The following HS3ST3B1 variants were observed in gnomAD, a reference collection of about 807,000 sequenced individuals.
The protein encoded by HS3ST3B1 is heparan sulfate-glucosamine 3-sulfotransferase 3B1, also known as heparan sulfate glucosamine 3-O-sulfotransferase 3B1.
Under a neutral mutation model 21.3 loss-of-function variants are expected in HS3ST3B1, and 13 were observed. That is an observed-to-expected ratio of 0.61 (90% CI 0.40 to 0.97). HS3ST3B1 has a LOEUF of 0.97. Among genes scored for constraint, HS3ST3B1 ranks in the 50% least tolerant of loss-of-function variants. The pLI, the probability that HS3ST3B1 is intolerant of heterozygous loss-of-function variation, is 0.00. For synonymous variants in HS3ST3B1, 234 were observed against 254.8 expected (o/e 0.92, Z 0.78); for missense variants, 459 against 554.8 (o/e 0.83, Z 1.73).
At position 14,348,616 on chromosome 17, in the gene HS3ST3B1, C is replaced by G. The variant is rs1910641653; in HGVS notation, c.*2970C>G. ...ACTTTTTAGCTGCCAGAAGACAAAC[C>G]CCCTTTTCTGTTTCGGCAATTTGTC... On this transcript the variant is annotated 3_prime_UTR_variant, in exon 2 of 2. Coordinates refer to ENST00000360954, the MANE Select transcript of HS3ST3B1 (RefSeq NM_006041.3). 1 of 152,180 alleles carries G rather than the reference C, an allele frequency of 6.6e-6. No individual in the cohort carries two copies. Among genetic ancestry groups the G allele is most frequent in the Admixed American group, 6.5e-5 (1 of 15,274 alleles). 9.4% of individuals were successfully genotyped at this position (152,180 alleles called of 1,614,324 possible). A position where few individuals can be genotyped will look rare whatever the true frequency, so the allele number is the denominator to read the frequency against.
intron 1 of HS3ST3B1, chr17:14,304,963 T>C (rs1340400685): frequency 6.6e-6 from 1 of 152,190 alleles, no homozygotes; most frequent in East Asian, 1.9e-4. Context: ...GCCTAACCAG[T>C]AACCCAGGGC....
At chr17:14,318,881 G>A (rs575958320) in intron 1 of HS3ST3B1, among the ~76,000 whole-genome samples, 6 of 152,218 alleles carry the variant, frequency 3.9e-5, no homozygotes, top group Non-Finnish European at 8.8e-5. Context: ...CATTTGCCAG[G>A]CAGCAGATGT....
chr17:14,326,976 G>A (rs987601448), intron 1 of HS3ST3B1, among the ~76,000 whole-genome samples: 5 of 146,764 alleles, frequency 3.4e-5, no homozygotes, highest in African/African-American at 1.3e-4. Flanking sequence ...CAGTTGTCCC[G>A]AGCACAACTT....
intron 1 of HS3ST3B1, among the ~76,000 whole-genome samples, chr17:14,312,402 A>G (rs1199615315): frequency 2.6e-5 from 4 of 152,116 alleles, no homozygotes; most frequent in Non-Finnish European, 5.9e-5. Flanking sequence ...GTTTTAAGCC[A>G]TCTCTTCTGT....
rs190213473 is a variant in HS3ST3B1, at chr17:14,312,227, A to C, written c.554+10155A>C. ...TTTCCCTTATTTTCCAAGGGAGGAAACGGAAACTCACAGAGATTGCCTAAG... is the reference window on the plus strand; with the variant it reads ...TTTCCCTTATTTTCCAAGGGAGGAACCGGAAACTCACAGAGATTGCCTAAG... On this transcript the variant is annotated intron_variant, in intron 1 of 1. Coordinates refer to ENST00000360954, the MANE Select transcript of HS3ST3B1 (RefSeq NM_006041.3). Among the ~76,000 whole-genome samples, 64 of 152,202 alleles carry C rather than the reference A, an allele frequency of 4.2e-4. No individual in the cohort carries two copies. The East Asian group carries it at 8.9e-3, about 21-fold the overall frequency.
intron 1 of HS3ST3B1, among the ~76,000 whole-genome samples, chr17:14,343,743 A>G (rs1364353496): frequency 2.0e-5 from 3 of 152,192 alleles, no homozygotes; most frequent in Non-Finnish European, 4.4e-5. Context: ...CCATTGATAG[A>G]CACTTAAGTT....
intron 1 of HS3ST3B1, among the ~76,000 whole-genome samples, chr17:14,335,088 G>A (rs973703565): frequency 6.6e-6 from 1 of 152,158 alleles, no homozygotes; most frequent in African/African-American, 2.4e-5. Flanking sequence ...CCTGTCCCGT[G>A]CTCTTGGGAT....
At chr17:14,318,274 ACC>A in intron 1 of HS3ST3B1, among the ~76,000 whole-genome samples, 1 of 152,204 alleles carries the variant, frequency 6.6e-6, no homozygotes, top group Middle Eastern at 3.4e-3. Context: ...CTCTCCCTTC[ACC>A]AGTCCTGCTG....
chr17:14,323,186 G>A (rs766777449), intron 1 of HS3ST3B1, among the ~76,000 whole-genome samples: 7 of 152,044 alleles, frequency 4.6e-5, no homozygotes, highest in Non-Finnish European at 7.4e-5. Context: ...GATTACAGGC[G>A]TGAGCCACCG....
At position 14,316,667 on chromosome 17, in the gene HS3ST3B1, T is replaced by C. The variant is rs546161394; in HGVS notation, c.554+14595T>C. On this transcript the variant is annotated intron_variant, in intron 1 of 1. Transcript: ENST00000360954. ...ATAACGTGAGTGCCACATGTAAACA[T>C]TGGCAGCCTTGAGCTGCAAACGAAG... Among the ~76,000 whole-genome samples the C allele has an allele frequency of 3.9e-5, 6 of 152,278 alleles. No homozygotes were observed. The East Asian group carries it at 5.8e-4, about 15-fold the overall frequency.
chr17:14,310,516 G>A (rs896716181), intron 1 of HS3ST3B1, among the ~76,000 whole-genome samples: 1 of 152,228 alleles, frequency 6.6e-6, no homozygotes, highest in African/African-American at 2.4e-5. Context: ...GGCACGTCGG[G>A]AAGTGCACAT....
chr17:14,313,029 C>T (rs188624738), intron 1 of HS3ST3B1, among the ~76,000 whole-genome samples: 1,544 of 150,256 alleles, frequency 0.01, 29 homozygotes, highest in African/African-American at 0.031. Context: ...CTCAGCCTCC[C>T]GAGTAGCTGG....
intron 1 of HS3ST3B1, among the ~76,000 whole-genome samples, chr17:14,339,653 A>T (rs75869928): frequency 0.046 from 6,941 of 152,228 alleles, 505 homozygotes; most frequent in African/African-American, 0.16. Flanking sequence ...GTAGGTGATA[A>T]AGCAGGTGAA....
At chr17:14,310,093 C>T (rs1433392943) in intron 1 of HS3ST3B1, among the ~76,000 whole-genome samples, 2 of 152,092 alleles carry the variant, frequency 1.3e-5, no homozygotes, top group African/African-American at 2.4e-5. Context: ...ACAGAAAATA[C>T]CTTCATTTCC....
intron 1 of HS3ST3B1, among the ~76,000 whole-genome samples, chr17:14,321,932 A>C (rs1909669912): frequency 1.3e-5 from 2 of 152,004 alleles, no homozygotes; most frequent in Admixed American, 1.3e-4. Flanking sequence ...TCTCATATAT[A>C]TATATACACA....
intron 1 of HS3ST3B1, among the ~76,000 whole-genome samples, chr17:14,337,273 A>G (rs1386305351): frequency 6.7e-6 from 1 of 150,370 alleles, no homozygotes; most frequent in East Asian, 1.9e-4. Context: ...CTGGTAACCA[A>G]CTCTCAGAGG....
intron 1 of HS3ST3B1, among the ~76,000 whole-genome samples, chr17:14,330,834 C>T (rs1333147490): frequency 6.6e-6 from 1 of 152,144 alleles, no homozygotes; most frequent in South Asian, 2.1e-4. Context: ...AGGGAAGTAA[C>T]CCACATAGGG....
intron 1 of HS3ST3B1, among the ~76,000 whole-genome samples, chr17:14,334,802 T>A (rs1910140442): frequency 6.6e-6 from 1 of 152,166 alleles, no homozygotes; most frequent in Non-Finnish European, 1.5e-5. Flanking sequence ...ACCCCCAGGA[T>A]CCCAGTGTTT....
chr17:14,301,599 G>A lies in HS3ST3B1; in HGVS notation c.81G>A (p.Pro27=), dbSNP rs748541172. The change falls in exon 1 of 2, where the codon CCG becomes CCA. Residue 27 remains proline, a synonymous_variant. Transcript: ENST00000360954. ...TACCGCAGCCGCCGCCGCCCCCGCC[G>A]CCGGTGAGGAGGAAGCTCGCGCTGC... ...RLLPQPPPPP[P]PVRRKLALLF... 6.2e-6 allele frequency: 10 copies of A among 1,603,564 alleles called. No individual in the cohort carries two copies. The East Asian group carries it at 2.2e-4, about 36-fold the overall frequency.
Sources: allele counts gnomAD v4.1 joint callset (sites outside exome capture counted in the v4.1 genomes callset), GRCh38; gene constraint gnomAD v4.1.1; transcripts MANE v1.5; gene names NCBI Gene and HGNC (gene_info 2026-07-23, HGNC 2026-07-21).